RAPGEF2: variants seen among roughly 807,000 people sequenced by gnomAD.
RAPGEF2 encodes the protein PDZ domain containing guanine nucleotide exchange factor (GEF) 1.
In RAPGEF2, 54 loss-of-function variants were observed where a neutral mutation model predicts 186.7. The observed-to-expected ratio is 0.29, with a 90% CI of 0.23 to 0.36. The LOEUF is 0.36. RAPGEF2 is among the 10% of genes least tolerant of loss of function. The probability of loss-of-function intolerance (pLI) is 1.00; values close to 1 mark genes in which losing one functional copy is unlikely to be tolerated. For missense variants in RAPGEF2, 1,532 were observed against 2,045.0 expected (o/e 0.75, Z 4.84); for synonymous variants, 712 against 705.9 (o/e 1.01, Z -0.14).
chr4:159,331,891 G>A lies in RAPGEF2; in HGVS notation c.1780-35G>A, dbSNP rs774965533. ...TTTTGGTGTCTGGTTTTTTTTTTCA[G>A]TCAATTTTGATACATTTTATAATTT... is the stretch of plus-strand genomic sequence containing the variant. On this transcript the variant is annotated intron_variant, in intron 15 of 29. Transcript: ENST00000691494. 5.7e-6 allele frequency: 9 copies of A among 1,581,874 alleles called. No individual in the cohort carries two copies. In the African/African-American group the frequency reaches 9.6e-5, roughly 17 times the overall value.
intron 1 of RAPGEF2, among the ~76,000 whole-genome samples, chr4:159,174,350 A>T (rs1035446421): frequency 6.8e-6 from 1 of 146,830 alleles, no homozygotes; most frequent in East Asian, 2.0e-4. Flanking sequence ...AATGCAGATT[A>T]TAGATGATAC....
intron 4 of RAPGEF2, among the ~76,000 whole-genome samples, chr4:159,238,216 G>A (rs779073931): frequency 3.3e-5 from 5 of 152,270 alleles, no homozygotes; most frequent in East Asian, 1.9e-4. Flanking sequence ...GTGTTCACTC[G>A]TGCAGAGTTC....
intron 2 of RAPGEF2, among the ~76,000 whole-genome samples, chr4:159,190,673 C>T (rs999107634): frequency 2.0e-5 from 3 of 152,188 alleles, no homozygotes; most frequent in Non-Finnish European, 4.4e-5. Flanking sequence ...GAAGCAAACA[C>T]ATCTTTTTTC....
At chr4:159,322,631 T>C (rs905548807) in intron 10 of RAPGEF2, 148 bp downstream of exon 10, 1 of 639,342 alleles carries the variant, frequency 1.6e-6, no homozygotes, top group Non-Finnish European at 2.7e-6. Context: ...ACACCTGTTA[T>C]GTCACTGTAT....
chr4:159,253,926 G>A (rs1755806181), intron 7 of RAPGEF2, among the ~76,000 whole-genome samples: 1 of 152,104 alleles, frequency 6.6e-6, no homozygotes, highest in Admixed American at 6.6e-5. Context: ...CTGGGGAACA[G>A]AGCGAGACTC....
chr4:159,251,010 A>G (rs1755287578), intron 7 of RAPGEF2, among the ~76,000 whole-genome samples: 1 of 152,152 alleles, frequency 6.6e-6, no homozygotes, highest in Non-Finnish European at 1.5e-5. Context: ...CAGGCCCTGC[A>G]CTCAGAGTGG....
At chr4:159,339,008 C>A in intron 18 of RAPGEF2, 106 bp from the exon 19 acceptor site, 1 of 1,349,806 alleles carries the variant, frequency 7.4e-7, no homozygotes, top group Non-Finnish European at 1.0e-6. Flanking sequence ...GGTAAAAGTT[C>A]AGCATTGCTT....
rs752939710 is a variant in RAPGEF2 at position 159,331,811 on chromosome 4, C to G, written c.1757C>G (p.Ala586Gly). 2 of 1,612,728 alleles carry G rather than the reference C, an allele frequency of 1.2e-6. No homozygotes were observed. Among genetic ancestry groups the G allele is most frequent in the African/African-American group, 2.7e-5 (2 of 74,432 alleles). ...SVDSGSKATEAGLKRGDQILE... is the reference protein window; with the variant it reads ...SVDSGSKATEGGLKRGDQILE... ...GATTCAGGTAGCAAAGCAACTGAAG[C>G]AGGCTTGAAACGGGGGGATCAGGTA... The change falls in exon 15 of 30, where the codon GCA becomes GGA. Residue 586 changes from alanine to glycine, a missense_variant. Ala to Gly is a moderately conservative substitution (Grantham distance 60). Around this residue, in one of 4 missense-constraint regions of RAPGEF2, gnomAD observed 810 missense variants for 1,210.5 expected, o/e 0.67. Coordinates refer to ENST00000691494, the MANE Select transcript of RAPGEF2 (RefSeq NM_001394067.2).
chr4:159,328,507 G>A (rs956157347), intron 11 of RAPGEF2: 4 of 152,146 alleles, frequency 2.6e-5, no homozygotes, highest in African/African-American at 7.2e-5. Context: ...GGAGAAATAT[G>A]ATACTGCAAT....
At chr4:159,145,215 T>C (rs1742821142) in intron 1 of RAPGEF2, among the ~76,000 whole-genome samples, 1 of 152,090 alleles carries the variant, frequency 6.6e-6, no homozygotes, top group Non-Finnish European at 1.5e-5. Context: ...AGTAATACTA[T>C]TCAGAAAGTA....
At chr4:159,337,908 A>AG (rs1767677964) in intron 17 of RAPGEF2, among the ~76,000 whole-genome samples, 1 of 148,708 alleles carries the variant, frequency 6.7e-6, no homozygotes, top group East Asian at 1.9e-4. Context: ...AAAAAAAAAA[A>AG]AAAAAGAAAG....
Position 159,320,422 on chromosome 4 carries a change from C to T in RAPGEF2, c.854-1925C>T, listed in dbSNP as rs147414824. Among the ~76,000 whole-genome samples, 7 of 152,226 alleles carry T rather than the reference C, an allele frequency of 4.6e-5. No individual in the cohort carries two copies. In the East Asian group the frequency reaches 5.8e-4, roughly 13 times the overall value. Reference sequence around the variant, plus strand: ...GAAATAAAAGTTTCATGAAACAGAACGTATTCTTTCTATAACTGATGTGCT... The same window carrying T: ...GAAATAAAAGTTTCATGAAACAGAATGTATTCTTTCTATAACTGATGTGCT... On this transcript the variant is annotated intron_variant, in intron 9 of 29. Transcript: ENST00000691494.
intron 4 of RAPGEF2, among the ~76,000 whole-genome samples, chr4:159,225,883 A>G (rs1414825326): frequency 6.6e-6 from 1 of 152,084 alleles, no homozygotes; most frequent in East Asian, 1.9e-4. Context: ...GGATACAATT[A>G]TTTTGTTGGC....
chr4:159,271,749 G>A (rs961949357), intron 7 of RAPGEF2, among the ~76,000 whole-genome samples: 1 of 152,116 alleles, frequency 6.6e-6, no homozygotes, highest in African/African-American at 2.4e-5. Context: ...ACTTGAAAAA[G>A]TGCTTTTTTC....
rs1399687985 is a variant in RAPGEF2, at chr4:159,314,750, C to T, written c.835C>T (p.Arg279Trp). 1.2e-6 allele frequency: 2 copies of T among 1,603,994 alleles called. No individual in the cohort carries two copies. The highest frequency in any genetic ancestry group is 8.5e-7 in the Non-Finnish European group (1 of 1,176,848). The change falls in exon 9 of 30, where the codon CGG (arginine) becomes TGG (tryptophan). Residue 279 changes from arginine (R) to tryptophan (W), a missense_variant. This residue lies in a region of RAPGEF2 where 810 missense variants were observed against 1,210.5 expected (regional missense o/e 0.67). Coordinates refer to ENST00000691494, the MANE Select transcript of RAPGEF2 (RefSeq NM_001394067.2). ...CTGCCTAGAGAAGGACCCAATTGAC[C>T]GGACAGATGATGACATTGGTAAGCT... is the stretch of plus-strand genomic sequence containing the variant. ...RDCLEKDPIDRTDDDIEQLLE... is the reference protein window; with the variant it reads ...RDCLEKDPIDWTDDDIEQLLE...
At chr4:159,299,430 T>TA (rs56009800) in intron 7 of RAPGEF2, among the ~76,000 whole-genome samples, 4,933 of 140,630 alleles carry the variant, frequency 0.035, 175 homozygotes, top group African/African-American at 0.086. Context: ...TCTTTTACAT[T>TA]AAAAAAAAAA....
intron 1 of RAPGEF2, among the ~76,000 whole-genome samples, chr4:159,179,557 C>T (rs1339237329): frequency 2.0e-5 from 3 of 152,268 alleles, no homozygotes; most frequent in Non-Finnish European, 2.9e-5. Context: ...GTTTGAGGAG[C>T]GGGACTTCTC....
At chr4:159,181,667 C>G (rs1233105368) in intron 1 of RAPGEF2, among the ~76,000 whole-genome samples, 2 of 147,286 alleles carry the variant, frequency 1.4e-5, no homozygotes. Flanking sequence ...TCCTGAGTAG[C>G]TGGAACTACA....
At chr4:159,111,539 C>T (rs1234224293) in intron 1 of RAPGEF2, among the ~76,000 whole-genome samples, 3 of 152,120 alleles carry the variant, frequency 2.0e-5, no homozygotes, top group African/African-American at 7.2e-5. Flanking sequence ...AACATAAAAA[C>T]GGAGAAGAAA....
Sources: gnomAD v4.1 joint callset for allele counts (sites outside exome capture counted in the v4.1 genomes callset) on GRCh38, gnomAD v4.1.1 for gene constraint, gnomAD v4.1.1 regional missense constraint, MANE v1.5 for transcripts, NCBI Gene and HGNC (gene_info 2026-07-23, HGNC 2026-07-21) for gene names.